Variants in GPC6 observed in about 807,000 individuals in gnomAD.
GPC6 encodes the protein glypican 6.
GPC6 carries 14 observed loss-of-function variants against 55.2 expected under a neutral mutation model. That is an observed-to-expected ratio of 0.25 (90% confidence interval 0.17 to 0.40). The LOEUF is 0.40. Among genes scored for constraint, GPC6 ranks in the 10% least tolerant of loss-of-function variants. GPC6 has a pLI of 1.00. For synonymous variants in GPC6, 278 were observed against 259.6 expected (o/e 1.07, Z -0.68); for missense variants, 641 against 708.5 (o/e 0.90, Z 1.08).
At chr13:93,799,868 A>G (rs568763094) in intron 2 of GPC6, among the ~76,000 whole-genome samples, 1 of 152,202 alleles carries the variant, frequency 6.6e-6, no homozygotes, top group South Asian at 2.1e-4. Flanking sequence ...AGGCTGTCTT[A>G]AAGAAGTTAC....
chr13:93,812,455 A>C (rs1886727220), intron 2 of GPC6, among the ~76,000 whole-genome samples: 1 of 152,096 alleles, frequency 6.6e-6, no homozygotes, highest in Non-Finnish European at 1.5e-5. Flanking sequence ...TGGTTGATCA[A>C]CTCAAAATTG....
intron 3 of GPC6, among the ~76,000 whole-genome samples, chr13:93,901,450 CAA>C (rs1876345578): frequency 6.6e-6 from 1 of 151,972 alleles, no homozygotes; most frequent in Non-Finnish European, 1.5e-5. Context: ...GAAACTAGAA[CAA>C]AAACCTTGAA....
At chr13:93,324,202 A>G (rs1461959212) in intron 1 of GPC6, among the ~76,000 whole-genome samples, 2 of 152,146 alleles carry the variant, frequency 1.3e-5, no homozygotes, top group African/African-American at 4.8e-5. Flanking sequence ...ACAGAAAGAT[A>G]AACATCACAT....
At chr13:94,397,751 T>C (rs1305297242) in intron 7 of GPC6, among the ~76,000 whole-genome samples, 2 of 152,190 alleles carry the variant, frequency 1.3e-5, no homozygotes, top group Non-Finnish European at 2.9e-5. Flanking sequence ...ATTGAATCCT[T>C]GACCTAAGCT....
intron 1 of GPC6, among the ~76,000 whole-genome samples, chr13:93,444,195 C>CTTCTTTTTTTTTT (rs755978023): frequency 1.5e-4 from 17 of 110,700 alleles, no homozygotes; most frequent in African/African-American, 2.0e-4. Context: ...TGCAATTCTT[C>CTTCTTTTTTTTTT]TTTTTTTTTT....
chr13:93,261,782 C>T (rs1397343131), intron 1 of GPC6, among the ~76,000 whole-genome samples: 1 of 152,114 alleles, frequency 6.6e-6, no homozygotes. Context: ...ATTTAACTGT[C>T]TCTTCACTTT....
At chr13:94,052,970 A>G (rs1417642546) in intron 4 of GPC6, among the ~76,000 whole-genome samples, 1 of 152,062 alleles carries the variant, frequency 6.6e-6, no homozygotes, top group Non-Finnish European at 1.5e-5. Flanking sequence ...CCTCTTACAA[A>G]TACAACCATC....
chr13:93,477,789 A>T (rs1437192302), intron 1 of GPC6, among the ~76,000 whole-genome samples: 2 of 152,202 alleles, frequency 1.3e-5, no homozygotes. Flanking sequence ...CTAGTATTTG[A>T]GAGTTCCTTT....
At chr13:94,351,507 A>G (rs1465056510) in intron 6 of GPC6, among the ~76,000 whole-genome samples, 2 of 152,044 alleles carry the variant, frequency 1.3e-5, no homozygotes, top group Non-Finnish European at 2.9e-5. Context: ...ATGAGATGAC[A>G]CATCGGGGTC....
intron 2 of GPC6, among the ~76,000 whole-genome samples, chr13:93,671,009 C>T (rs577351558): frequency 2.6e-5 from 4 of 152,278 alleles, no homozygotes; most frequent in East Asian, 3.9e-4. Flanking sequence ...CATTTTCACA[C>T]TGTTGGCAAA....
intron 1 of GPC6, among the ~76,000 whole-genome samples, chr13:93,494,823 C>A (rs1880190930): frequency 6.7e-6 from 1 of 148,860 alleles, no homozygotes; most frequent in Non-Finnish European, 1.5e-5. Flanking sequence ...GTTGAAAATT[C>A]TTTTCTTTAA....
chr13:93,441,552 C>T (rs776509564), intron 1 of GPC6, among the ~76,000 whole-genome samples: 2 of 151,952 alleles, frequency 1.3e-5, no homozygotes, highest in Non-Finnish European at 1.5e-5. Context: ...TTGATTTTTT[C>T]TTGTAAATTT....
intron 4 of GPC6, among the ~76,000 whole-genome samples, chr13:94,091,543 T>C (rs1245657082): frequency 6.6e-6 from 1 of 152,028 alleles, no homozygotes; most frequent in African/African-American, 2.4e-5. Context: ...ATCTGTGGAG[T>C]TCTGCAAGAA....
intron 2 of GPC6, among the ~76,000 whole-genome samples, chr13:93,749,959 G>A (rs1235677309): frequency 1.3e-5 from 2 of 152,050 alleles, no homozygotes; most frequent in Non-Finnish European, 2.9e-5. Flanking sequence ...TTGAGTAATA[G>A]CATTTTATTT....
intron 3 of GPC6, among the ~76,000 whole-genome samples, chr13:93,984,975 A>G (rs1030232380): frequency 2.6e-5 from 4 of 152,212 alleles, no homozygotes; most frequent in African/African-American, 7.2e-5. Flanking sequence ...TATTTTTCTT[A>G]TGTAAACTAA....
At chr13:93,287,350 C>A (rs1466818933) in intron 1 of GPC6, among the ~76,000 whole-genome samples, 1 of 152,154 alleles carries the variant, frequency 6.6e-6, no homozygotes, top group African/African-American at 2.4e-5. Context: ...GACATAGAGG[C>A]AGGGACATTG....
At chr13:94,193,557 G>A (rs1889467809) in intron 4 of GPC6, among the ~76,000 whole-genome samples, 1 of 152,142 alleles carries the variant, frequency 6.6e-6, no homozygotes, top group Non-Finnish European at 1.5e-5. Context: ...AGAACCTGGT[G>A]AGCATGCGGC....
At chr13:93,858,931 A>G (rs1888718271) in intron 3 of GPC6, among the ~76,000 whole-genome samples, 1 of 151,632 alleles carries the variant, frequency 6.6e-6, no homozygotes, top group South Asian at 2.1e-4. Flanking sequence ...TTATTATCTA[A>G]TACTATTAAT....
chr13:93,784,230 G>T (rs1398169889), intron 2 of GPC6, among the ~76,000 whole-genome samples: 2 of 152,170 alleles, frequency 1.3e-5, no homozygotes, highest in Non-Finnish European at 2.9e-5. Flanking sequence ...CAGACAGGTT[G>T]TCTGGGGTTT....
Sources: gnomAD v4.1 joint callset for allele counts (sites outside exome capture counted in the v4.1 genomes callset) on GRCh38, gnomAD v4.1.1 for gene constraint, MANE v1.5 for transcripts, NCBI Gene and HGNC (gene_info 2026-07-23, HGNC 2026-07-21) for gene names.